LINGO2: variants seen among roughly 807,000 people sequenced by gnomAD.
LINGO2 encodes the protein leucine rich repeat and Ig domain containing 2.
In LINGO2, 14 loss-of-function variants were observed where a neutral mutation model predicts 30.6. The observed-to-expected ratio is 0.46, with a 90% CI of 0.30 to 0.72. The LOEUF (loss-of-function observed/expected upper bound fraction) is 0.72. LINGO2 is among the 30% of genes least tolerant of loss of function. LINGO2 has a pLI of 0.07. For synonymous variants in LINGO2, 317 were observed against 288.5 expected (o/e 1.10, Z -1.00); for missense variants, 729 against 751.7 (o/e 0.97, Z 0.35).
intron 4 of LINGO2, among the ~76,000 whole-genome samples, chr9:28,031,136 G>A (rs536119884): frequency 7.2e-5 from 11 of 152,242 alleles, no homozygotes; most frequent in Admixed American, 1.3e-4. Flanking sequence ...CTCCTTGGCT[G>A]TAAATGAGCC....
chr9:29,060,187 A>C, the LINGO2 span, among the ~76,000 whole-genome samples: 1 of 152,200 alleles, frequency 6.6e-6, no homozygotes, highest in East Asian at 1.9e-4. Flanking sequence ...TGGTGCAGAA[A>C]GTTAAATTCA....
At chr9:28,303,369 G>A (rs1436685597) in intron 3 of LINGO2, among the ~76,000 whole-genome samples, 1 of 152,112 alleles carries the variant, frequency 6.6e-6, no homozygotes, top group African/African-American at 2.4e-5. Flanking sequence ...AGAGGGGCTT[G>A]GATGTGACCT....
chr9:28,371,371 A>G (rs911199651), intron 3 of LINGO2, among the ~76,000 whole-genome samples: 4 of 152,178 alleles, frequency 2.6e-5, no homozygotes, highest in African/African-American at 9.6e-5. Flanking sequence ...GGAGTCTGGG[A>G]AGTCCAAGAT....
chr9:28,118,700 G>C (rs546473858), intron 4 of LINGO2, among the ~76,000 whole-genome samples: 2 of 152,146 alleles, frequency 1.3e-5, no homozygotes. Context: ...CAATATTACT[G>C]TAAAATTAAC....
chr9:28,470,142 G>A (rs953024568), intron 2 of LINGO2, among the ~76,000 whole-genome samples: 3 of 152,134 alleles, frequency 2.0e-5, no homozygotes, highest in East Asian at 1.9e-4. Flanking sequence ...AAGTCTGTAT[G>A]TGAAAAAGCT....
At chr9:28,385,013 C>A (rs985507340) in intron 2 of LINGO2, among the ~76,000 whole-genome samples, 5 of 152,038 alleles carry the variant, frequency 3.3e-5, no homozygotes, top group Non-Finnish European at 4.4e-5. Context: ...TATTCATTCT[C>A]CTTTCATTCA....
intron 2 of LINGO2, among the ~76,000 whole-genome samples, chr9:28,378,450 C>G (rs1334984042): frequency 6.6e-6 from 1 of 152,114 alleles, no homozygotes; most frequent in African/African-American, 2.4e-5. Context: ...GCAATAAATA[C>G]AGGAAACACT....
At chr9:28,189,317 AAGGAAGGG>A (rs1564028771) in intron 4 of LINGO2, among the ~76,000 whole-genome samples, 8 of 17,096 alleles carry the variant, frequency 4.7e-4, no homozygotes, top group African/African-American at 1.3e-3. Context: ...GGAAGGAAGG[AAGGAAGGG>A]AGGGAGGAAG....
intron 4 of LINGO2, among the ~76,000 whole-genome samples, chr9:28,138,534 A>C (rs1185809368): frequency 6.6e-6 from 1 of 152,212 alleles, no homozygotes; most frequent in East Asian, 1.9e-4. Context: ...GTAGTGAGAT[A>C]ATGTAATTTT....
chr9:28,462,395 A>C (rs1159384429), intron 2 of LINGO2, among the ~76,000 whole-genome samples: 2 of 149,380 alleles, frequency 1.3e-5, no homozygotes, highest in East Asian at 3.9e-4. Flanking sequence ...CACTAGAATA[A>C]CATTCATCAT....
intron 2 of LINGO2, among the ~76,000 whole-genome samples, chr9:28,460,641 G>A (rs1403106798): frequency 6.6e-6 from 1 of 152,114 alleles, no homozygotes; most frequent in Non-Finnish European, 1.5e-5. Flanking sequence ...TCAGAAAAAT[G>A]ATCTTTCAAT....
the LINGO2 span, among the ~76,000 whole-genome samples, chr9:28,768,613 GACACACACACACACAC>G: frequency 1.7e-4 from 24 of 144,410 alleles, no homozygotes; most frequent in Non-Finnish European, 2.6e-4. Flanking sequence ...GACAGACTGG[GACACACACACACACAC>G]ACACACACAC....
At chr9:28,964,520 G>T in the LINGO2 span, among the ~76,000 whole-genome samples, 1 of 151,966 alleles carries the variant, frequency 6.6e-6, no homozygotes, top group Non-Finnish European at 1.5e-5. Context: ...GGACTAGTAT[G>T]CTCTGTTTAA....
the LINGO2 span, among the ~76,000 whole-genome samples, chr9:29,074,877 T>A: frequency 1.3e-5 from 2 of 151,356 alleles, no homozygotes; most frequent in Non-Finnish European, 2.9e-5. Flanking sequence ...AGGGCTTCAC[T>A]GTGTTAGCCA....
chr9:28,918,936 G>A, the LINGO2 span, among the ~76,000 whole-genome samples: 1 of 152,142 alleles, frequency 6.6e-6, no homozygotes, highest in Non-Finnish European at 1.5e-5. Flanking sequence ...CTAAGCTAAG[G>A]AGAAAATATG....
intron 4 of LINGO2, among the ~76,000 whole-genome samples, chr9:28,037,289 A>G (rs1587740810): frequency 6.6e-6 from 1 of 152,342 alleles, no homozygotes; most frequent in African/African-American, 2.4e-5. Context: ...ACCAGGGCGC[A>G]CTAAGTTGCT....
the LINGO2 span, among the ~76,000 whole-genome samples, chr9:28,820,003 T>C: frequency 6.6e-6 from 1 of 152,188 alleles, no homozygotes. Flanking sequence ...AATAAATTAA[T>C]TCTAATTTCC....
intron 5 of LINGO2, among the ~76,000 whole-genome samples, chr9:27,955,945 T>G (rs1587530326): frequency 7.4e-6 from 1 of 135,216 alleles, no homozygotes; most frequent in African/African-American, 3.5e-5. Context: ...CTTTTTTTTT[T>G]TTTTTTTTTT....
At chr9:28,048,511 A>C (rs1348890479) in intron 4 of LINGO2, among the ~76,000 whole-genome samples, 1 of 150,906 alleles carries the variant, frequency 6.6e-6, no homozygotes, top group African/African-American at 2.4e-5. Context: ...TATTGTATTC[A>C]TTGCCAGTGA....
Sources: gnomAD v4.1 joint callset for allele counts (sites outside exome capture counted in the v4.1 genomes callset) on GRCh38, gnomAD v4.1.1 for gene constraint, MANE v1.5 for transcripts, NCBI Gene and HGNC (gene_info 2026-07-23, HGNC 2026-07-21) for gene names.